Variants in MTA1 observed in about 807,000 individuals in gnomAD.
The protein encoded by MTA1 is metastasis-associated protein MTA1.
In MTA1, 15 loss-of-function variants were observed where a neutral mutation model predicts 97.0. The observed-to-expected ratio is 0.15, with a 90% CI of 0.10 to 0.24. The LOEUF (loss-of-function observed/expected upper bound fraction) is 0.24. Ranked by LOEUF, MTA1 falls within the 10% of genes least tolerant of loss-of-function variation. The probability of loss-of-function intolerance (pLI) is 1.00; values close to 1 mark genes in which losing one functional copy is unlikely to be tolerated. For synonymous variants in MTA1, 435 were observed against 417.5 expected (o/e 1.04, Z -0.51); for missense variants, 709 against 1,015.1 (o/e 0.70, Z 4.10).
chr14:105,433,766 A>G (rs1555423856), intron 1 of MTA1, among the ~76,000 whole-genome samples: 2 of 152,198 alleles, frequency 1.3e-5, no homozygotes, highest in African/African-American at 4.8e-5. Flanking sequence ...GTGAAGCAAT[A>G]TGTCATCTCC....
intron 3 of MTA1, among the ~76,000 whole-genome samples, chr14:105,447,438 C>T (rs1813450440): frequency 6.6e-6 from 1 of 152,310 alleles, no homozygotes; most frequent in South Asian, 2.1e-4. Flanking sequence ...ACTGTGGCCC[C>T]CTTGGCTGAG....
rs1273927684 is a variant in MTA1, at chr14:105,463,377, C to T, written c.1018-116C>T. The stretch of plus-strand genomic sequence containing the variant: ...GGAGGGGAAGGAAGACTCCTGAGTC[C>T]CTGGCCCGGCTGTCCTCTCCGTGGT... On this transcript the variant is annotated intron_variant, in intron 11 of 20. Coordinates refer to ENST00000331320, the MANE Select transcript of MTA1 (RefSeq NM_004689.4). The surrounding 1 kb of genome is among the most constrained non-coding windows in gnomAD (Gnocchi z 5.9). The T allele has an allele frequency of 6.7e-7, 1 of 1,493,716 alleles. No individual in the cohort carries two copies. Among genetic ancestry groups the T allele is most frequent in the Non-Finnish European group, 9.3e-7 (1 of 1,075,540 alleles). The allele number at this position is 1,493,716 out of a possible 1,614,324, so 92.5% of individuals were successfully genotyped here.
At position 105,460,767 on chromosome 14, in the gene MTA1, C is replaced by T. The variant is rs1567038117; in HGVS notation, c.756C>T (p.Phe252=). 6.3e-7 allele frequency: 1 copy of T among 1,575,342 alleles called. No homozygotes were observed. Among genetic ancestry groups the T allele is most frequent in the Non-Finnish European group, 8.6e-7 (1 of 1,158,892 alleles). Residue 252 remains phenylalanine (F), a splice_region_variant and synonymous_variant, in exon 10 of 21, where the codon TTC becomes TTT. Transcript: ENST00000331320. ...AAAASRDITL[F]HAMDTLHKNI... ...GACCCTGCTGTCTCCTGCCGCAGTT[C>T]CACGCCATGGATACTCTCCACAAGA...
chr14:105,470,246 C>T lies in MTA1; in HGVS notation c.*31C>T. The T allele has an allele frequency of 2.1e-6, 3 of 1,436,334 alleles. No individual in the cohort carries two copies. Among genetic ancestry groups the T allele is most frequent in the Non-Finnish European group, 2.7e-6 (3 of 1,101,402 alleles). 89.0% of individuals were successfully genotyped at this position (1,436,334 alleles called of 1,614,324 possible). On this transcript the variant is annotated 3_prime_UTR_variant, in exon 21 of 21. Coordinates refer to ENST00000331320, the MANE Select transcript of MTA1 (RefSeq NM_004689.4). ...GCCCCCACCTGCGGCCGCCCCCCGCCCCTCGCCCGCCCACACGGCCCCTTC... is the reference window on the plus strand; with the variant it reads ...GCCCCCACCTGCGGCCGCCCCCCGCTCCTCGCCCGCCCACACGGCCCCTTC...
In MTA1 at chr14:105,438,458, T is replaced by C. The variant is rs190254522; in HGVS notation, c.29-214T>C. Among the ~76,000 whole-genome samples the C allele has an allele frequency of 3.4e-3, 521 of 152,316 alleles. 9 individuals carry two copies. Among genetic ancestry groups the C allele is most frequent in the African/African-American group, 0.012 (509 of 41,558 alleles). On this transcript the variant is annotated intron_variant, in intron 1 of 20. Coordinates refer to ENST00000331320, the MANE Select transcript of MTA1 (RefSeq NM_004689.4). Reference sequence around the variant, plus strand: ...AACGGCCCCTCCAGATGCATCTCCCTGTCCCTGACCCAGCCTGTCAGTCCA... The same window carrying C: ...AACGGCCCCTCCAGATGCATCTCCCCGTCCCTGACCCAGCCTGTCAGTCCA...
chr14:105,470,132 G>A lies in MTA1; in HGVS notation c.2065G>A (p.Ala689Thr), dbSNP rs587675929. Residue 689 changes from alanine to threonine, a missense_variant, in exon 21 of 21, where the codon GCC becomes ACC. By Grantham distance (58) the Ala-to-Thr change is moderately conservative (BLOSUM62 0). Around this residue, in one of 2 missense-constraint regions of MTA1, gnomAD observed 388 missense variants for 421.6 expected, o/e 0.92. Transcript: ENST00000331320. ...TGCCCGCCGGCCCTACAAGCCCATC[G>A]CCCTGCGCCAGAGCCAGGCCCTGCC... Reference protein sequence around the residue: ...RAARRPYKPIALRQSQALPPR... With the variant: ...RAARRPYKPITLRQSQALPPR... 9.9e-6 allele frequency: 16 copies of A among 1,612,236 alleles called. No homozygotes were observed. The highest frequency in any genetic ancestry group is 5.0e-5 in the Admixed American group (3 of 59,986).
At chr14:105,468,493 C>A in intron 18 of MTA1, 1 of 801,970 alleles carries the variant, frequency 1.2e-6, no homozygotes, top group South Asian at 1.5e-5. Flanking sequence ...CAGAGCTAAG[C>A]AAACTGGCAG....
intron 2 of MTA1, among the ~76,000 whole-genome samples, chr14:105,441,638 CAAA>C (rs1241528462): frequency 2.6e-5 from 4 of 152,048 alleles, no homozygotes; most frequent in Non-Finnish European, 5.9e-5. Flanking sequence ...ACTAAAAATA[CAAA>C]AAATTAGCCG....
In MTA1 at chr14:105,445,377, T is replaced by G. The variant is rs370615667; in HGVS notation, c.97-41T>G. 45 of 1,591,344 alleles carry G rather than the reference T, an allele frequency of 2.8e-5. 1 individual carries two copies. In the African/African-American group the frequency reaches 3.1e-4, roughly 11 times the overall value. On this transcript the variant is annotated intron_variant, in intron 2 of 20. Transcript: ENST00000331320. ...CCTCCTGGGAGCTGTGCAGCCCGGG[T>G]TTGGTCGCGTTTCTCAGACGCCCCT...
intron 2 of MTA1, among the ~76,000 whole-genome samples, chr14:105,438,989 A>G (rs1355132105): frequency 1.3e-5 from 2 of 152,128 alleles, no homozygotes; most frequent in African/African-American, 2.4e-5. Context: ...CCCACTCTAC[A>G]CTTGGTCTGT....
chr14:105,445,295 G>A, intron 2 of MTA1, 123 bp from the exon 3 acceptor site: 4 of 783,832 alleles, frequency 5.1e-6, no homozygotes, highest in East Asian at 2.6e-5. Context: ...CTGGAGTCCC[G>A]AGGGGTGGTG....
chr14:105,463,376 C>T lies in MTA1; in HGVS notation c.1018-117C>T. On this transcript the variant is annotated intron_variant, in intron 11 of 20. Transcript: ENST00000331320. The surrounding 1 kb of genome is among the most constrained non-coding windows in gnomAD (Gnocchi z 5.9). ...AGGAGGGGAAGGAAGACTCCTGAGT[C>T]CCTGGCCCGGCTGTCCTCTCCGTGG... 2.0e-6 allele frequency: 3 copies of T among 1,496,736 alleles called. No individual in the cohort carries two copies. Among genetic ancestry groups the T allele is most frequent in the Admixed American group, 1.7e-5 (1 of 59,182 alleles). The allele number at this position is 1,496,736 out of a possible 1,614,324, so 92.7% of individuals were successfully genotyped here.
At position 105,464,312 on chromosome 14, in the gene MTA1, G is replaced by A. The variant is rs587692294; in HGVS notation, c.1193-104G>A. 10 of 1,463,070 alleles carry A rather than the reference G, an allele frequency of 6.8e-6. No homozygotes were observed. The South Asian group carries it at 1.0e-4, about 15-fold the overall frequency. The allele number at this position is 1,463,070 out of a possible 1,614,324, so 90.6% of individuals were successfully genotyped here. On this transcript the variant is annotated intron_variant, in intron 13 of 20. Transcript: ENST00000331320. ...GGGAGAGCCTCGGGGAACGTGTGGGGGTGCCTGGCGGGTGGGGGCGGCCGG... is the reference window on the plus strand; with the variant it reads ...GGGAGAGCCTCGGGGAACGTGTGGGAGTGCCTGGCGGGTGGGGGCGGCCGG...
rs1204127000 is a variant in MTA1, at chr14:105,469,004, T to C, written c.1814-463T>C. Reference sequence around the variant, plus strand: ...CCAGCCAGGGCAGTGGGTGGTGACCTGTTTCTGGCCGGGGCTGGCGGCTCT... The same window carrying C: ...CCAGCCAGGGCAGTGGGTGGTGACCCGTTTCTGGCCGGGGCTGGCGGCTCT... On this transcript the variant is annotated intron_variant, in intron 18 of 20. Transcript: ENST00000331320. The C allele has an allele frequency of 1.4e-5, 5 of 349,424 alleles. No individual in the cohort carries two copies. In the East Asian group the frequency reaches 4.1e-4, roughly 29 times the overall value. The allele number at this position is 349,424 out of a possible 1,614,324, so 21.6% of individuals were successfully genotyped here. A position where few individuals can be genotyped will look rare whatever the true frequency, so the allele number is the denominator to read the frequency against.
At chr14:105,450,444 T>G in intron 6 of MTA1, 120 bp downstream of exon 6, 2 of 1,162,800 alleles carry the variant, frequency 1.7e-6, no homozygotes, top group Non-Finnish European at 2.4e-6. Flanking sequence ...AGGCCCAGGC[T>G]GTTCTGGGGG....
At chr14:105,426,112 G>A (rs980644364) in intron 1 of MTA1, among the ~76,000 whole-genome samples, 1 of 152,142 alleles carries the variant, frequency 6.6e-6, no homozygotes, top group Non-Finnish European at 1.5e-5. Context: ...CAGGGCCTGA[G>A]CTCTGTGGGT....
chr14:105,456,511 C>T (rs1326550061), intron 7 of MTA1, among the ~76,000 whole-genome samples: 1 of 152,238 alleles, frequency 6.6e-6, no homozygotes, highest in African/African-American at 2.4e-5. Flanking sequence ...GCTTTTGGGC[C>T]GCTGGTGCAA....
intron 8 of MTA1, among the ~76,000 whole-genome samples, chr14:105,458,791 C>T (rs148452759): frequency 2.7e-3 from 409 of 152,322 alleles, no homozygotes; most frequent in Middle Eastern, 6.8e-3. Context: ...TGCCAGCAGC[C>T]TGGGAGGTGG....
Position 105,445,546 on chromosome 14 carries a change from G to A in MTA1, c.190+35G>A, listed in dbSNP as rs188112479. ...GCCTTCCCTGGGGTGCCCGCCTGGCGGGAGGGTCGGCTGGGGAGGGCTGGC... is the reference window on the plus strand; with the variant it reads ...GCCTTCCCTGGGGTGCCCGCCTGGCAGGAGGGTCGGCTGGGGAGGGCTGGC... On this transcript the variant is annotated intron_variant, in intron 3 of 20. Transcript: ENST00000331320. 3.2e-3 allele frequency: 5,151 copies of A among 1,609,604 alleles called. 9 individuals carry two copies. The highest frequency in any genetic ancestry group is 4.1e-3 in the Admixed American group (248 of 59,824).
Sources: gnomAD v4.1 joint callset for allele counts (sites outside exome capture counted in the v4.1 genomes callset) on GRCh38, gnomAD v4.1.1 for gene constraint, gnomAD v4.1.1 regional missense constraint, Gnocchi (gnomAD v3.1) non-coding constraint, MANE v1.5 for transcripts, NCBI Gene and HGNC (gene_info 2026-07-23, HGNC 2026-07-21) for gene names.